The following BRF1 variants were observed in gnomAD, a reference collection of about 807,000 sequenced individuals.
The protein encoded by BRF1 is BRF1 general transcription factor IIIB subunit.
In BRF1, 59 loss-of-function variants were observed where a neutral mutation model predicts 81.7. The ratio of observed to expected loss-of-function variants is 0.72; its 90% confidence interval spans 0.59 to 0.90. The LOEUF is 0.90. BRF1 is among the 40% of genes least tolerant of loss of function. BRF1 has a pLI of 0.00. For missense variants in BRF1, 1,050 were observed against 936.3 expected (o/e 1.12, Z -1.58); for synonymous variants, 491 against 395.6 (o/e 1.24, Z -2.86).
intron 7 of BRF1, among the ~76,000 whole-genome samples, chr14:105,228,459 T>G (rs1368318070): frequency 6.6e-6 from 1 of 150,874 alleles, no homozygotes. Flanking sequence ...CAGGAGAATC[T>G]CTTGGACCCG....
At chr14:105,228,065 G>C (rs967186721) in intron 7 of BRF1, 1 of 152,194 alleles carries the variant, frequency 6.6e-6, no homozygotes, top group Non-Finnish European at 1.5e-5. Flanking sequence ...TGCCTGCCTG[G>C]CTTGCTACGC....
intron 5 of BRF1, chr14:105,247,238 A>G (rs912760242): frequency 1.0e-5 from 10 of 985,290 alleles, no homozygotes; most frequent in Non-Finnish European, 9.6e-6. Context: ...ACTCTCATGC[A>G]TATGCTACAG....
chr14:105,223,645 G>C (rs185616324), intron 10 of BRF1, among the ~76,000 whole-genome samples: 6 of 152,330 alleles, frequency 3.9e-5, no homozygotes, highest in African/African-American at 1.4e-4. Flanking sequence ...GGGGCAGGAG[G>C]GGGGGTGGTG....
chr14:105,226,132 C>G lies in BRF1; in HGVS notation c.985G>C (p.Glu329Gln), dbSNP rs1486861999. The change falls in exon 10 of 18, where the codon GAG (glutamate) becomes CAG (glutamine). Residue 329 changes from glutamate to glutamine, a missense_variant. This residue lies in a region of BRF1 where 1,043 missense variants were observed against 915.4 expected (regional missense o/e 1.14). Coordinates refer to ENST00000547530, the MANE Select transcript of BRF1 (RefSeq NM_001519.4). Reference sequence around the variant, plus strand: ...GGCCGGCTGTTTTCTAGTTCAATCTCAATTGCATCCTGGTAACTGGATATT... The same window carrying G: ...GGCCGGCTGTTTTCTAGTTCAATCTGAATTGCATCCTGGTAACTGGATATT... ...GEISSYQDAI[E>Q]IELENSRPKA... is the part of the protein sequence containing the mutation. The G allele has an allele frequency of 2.5e-6, 4 of 1,613,994 alleles. No individual in the cohort carries two copies. Among genetic ancestry groups the G allele is most frequent in the Admixed American group, 1.7e-5 (1 of 60,024 alleles).
At chr14:105,217,457 C>T in intron 15 of BRF1, 87 bp downstream of exon 15, 5 of 1,551,776 alleles carry the variant, frequency 3.2e-6, no homozygotes, top group Non-Finnish European at 4.4e-6. Context: ...CCCCGGCTGG[C>T]CCCCGGCAGC....
At chr14:105,226,396 G>C in intron 8 of BRF1, 106 bp from the exon 9 acceptor site, 1 of 1,516,422 alleles carries the variant, frequency 6.6e-7, no homozygotes. Context: ...CTAGAACTTA[G>C]GGGTACGCAG....
chr14:105,256,402 CAG>C, intron 4 of BRF1, 114 bp downstream of exon 4: 1 of 1,610,502 alleles, frequency 6.2e-7, no homozygotes, highest in Admixed American at 1.7e-5. Flanking sequence ...GCAGGCAGCA[CAG>C]ACCGGCCACT....
At chr14:105,280,612 G>A (rs1039969927) in intron 2 of BRF1, among the ~76,000 whole-genome samples, 2 of 152,002 alleles carry the variant, frequency 1.3e-5, no homozygotes, top group Admixed American at 6.6e-5. Context: ...CTGAGCCCGC[G>A]TGTGCAGGTG....
intron 5 of BRF1, among the ~76,000 whole-genome samples, chr14:105,246,289 T>C (rs916368163): frequency 1.3e-5 from 2 of 151,952 alleles, no homozygotes; most frequent in African/African-American, 4.8e-5. Flanking sequence ...AACAAGCACA[T>C]GAGTAGATGG....
intron 12 of BRF1, 156 bp from the exon 13 acceptor site, chr14:105,219,388 C>T (rs1446843752): frequency 5.5e-6 from 8 of 1,442,002 alleles, no homozygotes; most frequent in African/African-American, 4.3e-5. Flanking sequence ...GGCCTCATCG[C>T]GCGGGGCGAG....
upstream of BRF1, chr14:105,301,301 C>A (rs1368070719): frequency 6.8e-6 from 1 of 146,168 alleles, no homozygotes; most frequent in Non-Finnish European, 1.5e-5. Context: ...GAGGACTCAG[C>A]CGGATGCGGG....
chr14:105,253,371 C>G (rs954716171), intron 4 of BRF1, among the ~76,000 whole-genome samples: 7 of 152,234 alleles, frequency 4.6e-5, no homozygotes, highest in African/African-American at 1.7e-4. Flanking sequence ...CCTGCCCACA[C>G]TTGGCTGTCT....
At chr14:105,249,316 G>A (rs1265413587) in intron 5 of BRF1, 3 of 1,593,176 alleles carry the variant, frequency 1.9e-6, no homozygotes, top group South Asian at 1.1e-5. Context: ...CTGACACGCA[G>A]CCTGCGGGAG....
chr14:105,310,357 C>T (rs587700374), intron 1 of BRF1, among the ~76,000 whole-genome samples: 64 of 151,206 alleles, frequency 4.2e-4, no homozygotes, highest in Non-Finnish European at 6.8e-4. Flanking sequence ...GGTGAAACCC[C>T]GTCTCTAATA....
intron 2 of BRF1, among the ~76,000 whole-genome samples, chr14:105,281,801 C>G (rs587660587): frequency 1.3e-5 from 2 of 151,340 alleles, no homozygotes; most frequent in Admixed American, 1.3e-4. Flanking sequence ...AGCAGAAAAC[C>G]AAGTGAAGCC....
At chr14:105,211,617 C>T (rs1394614454) in intron 16 of BRF1, 1 of 386,886 alleles carries the variant, frequency 2.6e-6, no homozygotes, top group African/African-American at 2.1e-5. Context: ...ACTGTGGCCT[C>T]AGCCCCCGGG....
rs202149804 is a variant in BRF1 at position 105,228,947 on chromosome 14, G to A, written c.695-34C>T. Reference sequence around the variant, plus strand: ...CAACGAGACGGGCCTCGTCAACCACGGCTGGGAACCAGGGCAACATCTGTG... The same window carrying A: ...CAACGAGACGGGCCTCGTCAACCACAGCTGGGAACCAGGGCAACATCTGTG... On this transcript the variant is annotated intron_variant, in intron 6 of 17. Transcript: ENST00000547530. 47 of 1,601,334 alleles carry A rather than the reference G, an allele frequency of 2.9e-5. No homozygotes were observed. The East Asian group carries it at 8.0e-4, about 27-fold the overall frequency.
chr14:105,265,074 T>TC (rs2056349819), intron 3 of BRF1, among the ~76,000 whole-genome samples: 1 of 147,478 alleles, frequency 6.8e-6, no homozygotes, highest in Non-Finnish European at 1.5e-5. Flanking sequence ...TGTTTGTTTG[T>TC]TTTTTTAGAG....
At chr14:105,256,234 CA>C in intron 4 of BRF1, 2 of 1,539,992 alleles carry the variant, frequency 1.3e-6, no homozygotes, top group Non-Finnish European at 1.7e-6. Flanking sequence ...TTGTGTAGGA[CA>C]AAAGTTCACT....
Sources: allele counts gnomAD v4.1 joint callset (sites outside exome capture counted in the v4.1 genomes callset), GRCh38; gene constraint gnomAD v4.1.1; regional missense constraint gnomAD v4.1.1; transcripts MANE v1.5; gene names NCBI Gene and HGNC (gene_info 2026-07-23, HGNC 2026-07-21).